RALGPS1: variants seen among roughly 807,000 people sequenced by gnomAD.
RALGPS1 encodes the protein ras-specific guanine nucleotide-releasing factor RalGPS1.
Under a neutral mutation model 78.8 loss-of-function variants are expected in RALGPS1, and 19 were observed. The ratio of observed to expected loss-of-function variants is 0.24; its 90% CI spans 0.17 to 0.35. The LOEUF (loss-of-function observed/expected upper bound fraction) is 0.35, where lower values mean the gene tolerates loss of function less well. RALGPS1 is among the 10% of genes least tolerant of loss of function. The pLI is 1.00. For missense variants in RALGPS1, 454 were observed against 688.3 expected, an observed-to-expected ratio of 0.66 and a Z score of 3.81; for synonymous variants, 228 against 256.3, an observed-to-expected ratio of 0.89 and a Z score of 1.06.
intron 7 of RALGPS1, among the ~76,000 whole-genome samples, chr9:127,053,700 G>A (rs138232933): frequency 4.9e-4 from 75 of 152,298 alleles, no homozygotes; most frequent in Middle Eastern, 3.4e-3. Flanking sequence ...ACTCATTTCC[G>A]AACTGCTTTC....
At chr9:126,992,651 C>T (rs994428307) in intron 4 of RALGPS1, among the ~76,000 whole-genome samples, 5 of 152,202 alleles carry the variant, frequency 3.3e-5, no homozygotes, top group Admixed American at 6.5e-5. Context: ...CTATGAAACA[C>T]AATGTAACTC....
intron 11 of RALGPS1, chr9:127,177,975 G>A: frequency 6.5e-7 from 1 of 1,545,592 alleles, no homozygotes; most frequent in East Asian, 2.5e-5. Flanking sequence ...GACCCCAGAT[G>A]GTTCACATGA....
chr9:127,099,968 C>G (rs1031264748), intron 8 of RALGPS1, among the ~76,000 whole-genome samples: 3 of 152,130 alleles, frequency 2.0e-5, no homozygotes, highest in Non-Finnish European at 4.4e-5. Context: ...CTTACTGGCT[C>G]TAAAATATGA....
chr9:127,195,253 G>T, intron 12 of RALGPS1, 36 bp downstream of exon 12: 1 of 1,601,474 alleles, frequency 6.2e-7, no homozygotes, highest in South Asian at 1.1e-5. Context: ...CCGGGCTTCA[G>T]ACCGTCCTGC....
intron 4 of RALGPS1, among the ~76,000 whole-genome samples, chr9:127,022,637 G>C (rs889949519): frequency 1.3e-5 from 2 of 151,926 alleles, no homozygotes; most frequent in Non-Finnish European, 2.9e-5. Context: ...CTCCAGCCAT[G>C]GGCTACCTTG....
At chr9:127,036,552 G>T (rs1564458767) in intron 5 of RALGPS1, among the ~76,000 whole-genome samples, 1 of 152,240 alleles carries the variant, frequency 6.6e-6, no homozygotes, top group East Asian at 1.9e-4. Flanking sequence ...GAGAAGAAAA[G>T]AGAAATGTGA....
At chr9:126,963,513 A>G (rs983628381) in intron 2 of RALGPS1, among the ~76,000 whole-genome samples, 5 of 152,250 alleles carry the variant, frequency 3.3e-5, no homozygotes, top group African/African-American at 9.6e-5. Flanking sequence ...GCAAATGATG[A>G]ATACATGTAT....
chr9:127,082,360 C>T (rs1167811660), intron 8 of RALGPS1, among the ~76,000 whole-genome samples: 3 of 152,178 alleles, frequency 2.0e-5, no homozygotes, highest in African/African-American at 7.2e-5. Flanking sequence ...CTTGTTACTC[C>T]GTGTCCATTG....
intron 4 of RALGPS1, among the ~76,000 whole-genome samples, chr9:127,014,731 T>C (rs1261949071): frequency 6.6e-6 from 1 of 152,148 alleles, no homozygotes; most frequent in Non-Finnish European, 1.5e-5. Flanking sequence ...CTTCAGTCCC[T>C]GTGCATCCTC....
intron 1 of RALGPS1, among the ~76,000 whole-genome samples, chr9:126,915,271 C>T (rs1403922774): frequency 2.4e-5 from 1 of 40,920 alleles, no homozygotes; most frequent in Non-Finnish European, 4.7e-5. Flanking sequence ...GGCGCGGGCG[C>T]GGGGGGCGGG....
intron 1 of RALGPS1, among the ~76,000 whole-genome samples, chr9:126,934,119 T>C (rs763630968): frequency 2.0e-5 from 3 of 152,174 alleles, no homozygotes; most frequent in Non-Finnish European, 4.4e-5. Flanking sequence ...TAGGACAGGA[T>C]TTGCCACCTG....
At chr9:126,920,724 A>G (rs146394764) in intron 1 of RALGPS1, among the ~76,000 whole-genome samples, 9 of 152,274 alleles carry the variant, frequency 5.9e-5, no homozygotes, top group African/African-American at 7.2e-5. Context: ...TTTGGGCTCA[A>G]CCTTGTAATG....
At chr9:126,967,369 C>A (rs2039615261) in intron 3 of RALGPS1, among the ~76,000 whole-genome samples, 1 of 152,156 alleles carries the variant, frequency 6.6e-6, no homozygotes, top group Admixed American at 6.5e-5. Context: ...CTGTCCTTTT[C>A]TTTTTTCAGT....
At position 127,136,391 on chromosome 9, in the gene RALGPS1, C is replaced by T. The variant is rs552171539; in HGVS notation, c.611-29678C>T. On this transcript the variant is annotated intron_variant, in intron 8 of 18. Coordinates refer to ENST00000259351, the MANE Select transcript of RALGPS1 (RefSeq NM_014636.3). ...AGAAAGCAGGAGCTGAGCCAGAGAG[C>T]CTTTTGAGCATTGTGGAGCACCCAC... is the stretch of plus-strand genomic sequence containing the variant. Among the ~76,000 whole-genome samples the T allele has an allele frequency of 1.1e-4, 17 of 152,308 alleles. No individual in the cohort carries two copies. In the South Asian group the frequency reaches 3.5e-3, roughly 32 times the overall value.
intron 8 of RALGPS1, chr9:127,088,141 G>C (rs2051994349): frequency 6.6e-6 from 1 of 152,498 alleles, no homozygotes; most frequent in Admixed American, 6.5e-5. Flanking sequence ...ACTGCAGTGA[G>C]TGGCCAGGGA....
At chr9:127,028,407 C>T (rs1395451755) in intron 4 of RALGPS1, among the ~76,000 whole-genome samples, 1 of 152,258 alleles carries the variant, frequency 6.6e-6, no homozygotes, top group African/African-American at 2.4e-5. Flanking sequence ...TCAGAGCAGT[C>T]ATATCCACTG....
chr9:127,213,741 C>A (rs920727558), intron 17 of RALGPS1: 4 of 152,570 alleles, frequency 2.6e-5, no homozygotes, highest in African/African-American at 9.6e-5. Context: ...CACACCTTAA[C>A]AGGAATGTTC....
chr9:127,181,633 T>A (rs892528884), intron 11 of RALGPS1, among the ~76,000 whole-genome samples: 41 of 152,192 alleles, frequency 2.7e-4, no homozygotes, highest in African/African-American at 9.9e-4. Flanking sequence ...CCAAACCTGA[T>A]CTAACATTAA....
At chr9:126,928,793 G>T (rs2035536573) in intron 1 of RALGPS1, among the ~76,000 whole-genome samples, 3 of 151,958 alleles carry the variant, frequency 2.0e-5, no homozygotes, top group South Asian at 2.1e-4. Flanking sequence ...GTAGAGACAG[G>T]GTTTCACTGT....
Sources: gnomAD v4.1 joint callset for allele counts (sites outside exome capture counted in the v4.1 genomes callset) on GRCh38, gnomAD v4.1.1 for gene constraint, MANE v1.5 for transcripts, NCBI Gene and HGNC (gene_info 2026-07-23, HGNC 2026-07-21) for gene names.